Variants in TMEM109 observed in about 807,000 individuals in gnomAD.
TMEM109 encodes voltage-gated monoatomic cation channel TMEM109.
In TMEM109, 19 loss-of-function variants were observed where a neutral mutation model predicts 26.4. The observed-to-expected ratio is 0.72, with a 90% confidence interval of 0.50 to 1.06. The LOEUF (loss-of-function observed/expected upper bound fraction) is 1.06, where lower values mean the gene tolerates loss of function less well. Among genes scored for constraint, TMEM109 ranks in the 50% least tolerant of loss-of-function variants. The pLI, the probability that TMEM109 is intolerant of heterozygous loss-of-function variation, is 0.00. For synonymous variants in TMEM109, 129 were observed against 142.0 expected (o/e 0.91, Z 0.65); for missense variants, 262 against 303.4 (o/e 0.86, Z 1.01).
Position 60,922,446 on chromosome 11 carries a change from C to T in TMEM109, c.*281C>T. 3 of 1,332,770 alleles carry T rather than the reference C, an allele frequency of 2.3e-6. No homozygotes were observed. In the Admixed American group the frequency reaches 6.4e-5, roughly 28 times the overall value. 82.6% of individuals were successfully genotyped at this position (1,332,770 alleles called of 1,614,324 possible). ...ACCAGGGAAGGTTGGAGGGGCCTCC[C>T]TCTGGCTTCTGCATCTGCGCCAGCA... On this transcript the variant is annotated 3_prime_UTR_variant, in exon 4 of 4. Coordinates refer to ENST00000227525, the MANE Select transcript of TMEM109 (RefSeq NM_024092.3).
At chr11:60,920,126 C>G (rs1856219743) in intron 2 of TMEM109, among the ~76,000 whole-genome samples, 196 bp downstream of exon 2, 1 of 152,208 alleles carries the variant, frequency 6.6e-6, no homozygotes, top group Non-Finnish European at 1.5e-5. Flanking sequence ...TTAGCTCCAC[C>G]CCTATCCTTT....
Position 60,919,686 on chromosome 11 carries a change from A to G in TMEM109, c.-8A>G. On this transcript the variant is annotated splice_region_variant and 5_prime_UTR_variant, in exon 2 of 4. Coordinates refer to ENST00000227525, the MANE Select transcript of TMEM109 (RefSeq NM_024092.3). ...GCTCACTGTGCTTCTCTCCTGGCAGACCCAGTCATGGCAGCCTCCAGCATC... is the reference window on the plus strand; with the variant it reads ...GCTCACTGTGCTTCTCTCCTGGCAGGCCCAGTCATGGCAGCCTCCAGCATC... 6.2e-7 allele frequency: 1 copy of G among 1,613,580 alleles called. No homozygotes were observed. Among genetic ancestry groups the G allele is most frequent in the Non-Finnish European group, 8.5e-7 (1 of 1,179,512 alleles).
At chr11:60,918,792 G>A (rs958328499) in intron 1 of TMEM109, 6 of 152,188 alleles carry the variant, frequency 3.9e-5, no homozygotes, top group Non-Finnish European at 1.5e-5. Flanking sequence ...TCCATTGGGG[G>A]TGGGGAGGTG....
At position 60,922,449 on chromosome 11, in the gene TMEM109, T is replaced by C. The variant is rs1590618698; in HGVS notation, c.*284T>C. 3 of 1,307,002 alleles carry C rather than the reference T, an allele frequency of 2.3e-6. No individual in the cohort carries two copies. The East Asian group carries it at 8.4e-5, about 37-fold the overall frequency. 81.0% of individuals were successfully genotyped at this position (1,307,002 alleles called of 1,614,324 possible). A position where few individuals can be genotyped will look rare whatever the true frequency, so the allele number is the denominator to read the frequency against. ...AGGGAAGGTTGGAGGGGCCTCCCTCTGGCTTCTGCATCTGCGCCAGCAAAC... is the reference window on the plus strand; with the variant it reads ...AGGGAAGGTTGGAGGGGCCTCCCTCCGGCTTCTGCATCTGCGCCAGCAAAC... On this transcript the variant is annotated 3_prime_UTR_variant, in exon 4 of 4. Transcript: ENST00000227525.
At chr11:60,921,338 T>C (rs1367652161) in intron 3 of TMEM109, among the ~76,000 whole-genome samples, 1 of 152,156 alleles carries the variant, frequency 6.6e-6, no homozygotes, top group Non-Finnish European at 1.5e-5. Context: ...GAGGATCGCT[T>C]GAGCCCAGGA....
In TMEM109 at chr11:60,921,762, C is replaced by A; in HGVS notation, c.341-12C>A. The A allele has an allele frequency of 6.2e-7, 1 of 1,602,142 alleles. No homozygotes were observed. The highest frequency in any genetic ancestry group is 8.5e-7 in the Non-Finnish European group (1 of 1,175,982). On this transcript the variant is annotated splice_polypyrimidine_tract_variant and intron_variant, in intron 3 of 3. Transcript: ENST00000227525. ...CCAGGTTGGCTGACTCTGTGACTCT[C>A]TTGGCTTCCAGGTGATTACCTCGCC...
chr11:60,915,038 C>A (rs1288034114), intron 1 of TMEM109, among the ~76,000 whole-genome samples: 1 of 152,232 alleles, frequency 6.6e-6, no homozygotes, highest in Non-Finnish European at 1.5e-5. Flanking sequence ...TGGCAGGTTG[C>A]TAATATTCAT....
intron 2 of TMEM109, among the ~76,000 whole-genome samples, chr11:60,920,224 T>G (rs1466349869): frequency 6.6e-6 from 1 of 152,230 alleles, no homozygotes; most frequent in Non-Finnish European, 1.5e-5. Context: ...AGAGTCTCAC[T>G]TTGGTCTAAA....
rs2134883575 is a variant in TMEM109, at chr11:60,922,427, GA to G, written c.*264del. On this transcript the variant is annotated 3_prime_UTR_variant, in exon 4 of 4. Coordinates refer to ENST00000227525, the MANE Select transcript of TMEM109 (RefSeq NM_024092.3). The stretch of plus-strand genomic sequence containing the variant: ...TCTGCTCCCAGCCTGCCTCACCAGG[GA>G]AGGTTGGAGGGGCCTCCCTCTGGCT... 1 of 1,468,716 alleles carries G rather than the reference GA, an allele frequency of 6.8e-7. No individual in the cohort carries two copies. Among genetic ancestry groups the G allele is most frequent in the Admixed American group, 2.0e-5 (1 of 49,594 alleles). 91.0% of individuals were successfully genotyped at this position (1,468,716 alleles called of 1,614,324 possible).
intron 1 of TMEM109, among the ~76,000 whole-genome samples, chr11:60,915,945 A>T (rs1856170269): frequency 6.6e-6 from 1 of 152,050 alleles, no homozygotes; most frequent in African/African-American, 2.4e-5. Context: ...GTCCTCTCAT[A>T]CCTCTTGGTA....
At position 60,922,466 on chromosome 11, in the gene TMEM109, C is replaced by G; in HGVS notation, c.*301C>G. 9.0e-7 allele frequency: 1 copy of G among 1,115,844 alleles called. No homozygotes were observed. The highest frequency in any genetic ancestry group is 1.3e-6 in the Non-Finnish European group (1 of 796,924). 69.1% of individuals were successfully genotyped at this position (1,115,844 alleles called of 1,614,324 possible). ...CCTCCCTCTGGCTTCTGCATCTGCG[C>G]CAGCAAACATCACTGCCGTTGGTCT... is the stretch of plus-strand genomic sequence containing the variant. On this transcript the variant is annotated 3_prime_UTR_variant, in exon 4 of 4. Coordinates refer to ENST00000227525, the MANE Select transcript of TMEM109 (RefSeq NM_024092.3).
At chr11:60,918,624 G>C (rs1460026035) in intron 1 of TMEM109, 1 of 147,962 alleles carries the variant, frequency 6.8e-6, no homozygotes, top group African/African-American at 2.5e-5. Context: ...TGGTGGAGAA[G>C]GGGTCAAACT....
At chr11:60,921,418 C>G (rs1466618824) in intron 3 of TMEM109, among the ~76,000 whole-genome samples, 4 of 152,176 alleles carry the variant, frequency 2.6e-5, no homozygotes, top group Middle Eastern at 3.4e-3. Context: ...AAACCCTGTC[C>G]CACCCAGACC....
At chr11:60,917,764 T>TC (rs1244490594) in intron 1 of TMEM109, among the ~76,000 whole-genome samples, 1 of 151,992 alleles carries the variant, frequency 6.6e-6, no homozygotes, top group East Asian at 1.9e-4. Context: ...CAAGTGATCC[T>TC]CCCCCCTCAG....
chr11:60,920,935 T>C lies in TMEM109; in HGVS notation c.287T>C (p.Phe96Ser), dbSNP rs1856229560. ...ATCTCATCAGCCATTTCTGTGGCCTTCTTTGCTCTGTCTGGGATCGCCGCA... is the reference window on the plus strand; with the variant it reads ...ATCTCATCAGCCATTTCTGTGGCCTCCTTTGCTCTGTCTGGGATCGCCGCA... ...WAISSAISVA[F>S]FALSGIAAQL... is the part of the protein sequence containing the mutation. Residue 96 changes from phenylalanine to serine, a missense_variant, in exon 3 of 4, where the codon TTC (phenylalanine) becomes TCC (serine). Phe to Ser is a radical substitution (Grantham distance 155, BLOSUM62 -2). Transcript: ENST00000227525. 2.5e-6 allele frequency: 4 copies of C among 1,614,098 alleles called. No individual in the cohort carries two copies. Among genetic ancestry groups the C allele is most frequent in the African/African-American group, 1.3e-5 (1 of 74,948 alleles).
At chr11:60,921,368 C>G (rs1317815979) in intron 3 of TMEM109, among the ~76,000 whole-genome samples, 1 of 152,050 alleles carries the variant, frequency 6.6e-6, no homozygotes. Context: ...TGCAGTGAGC[C>G]GGGATCACGT....
In TMEM109 at chr11:60,920,930, G is replaced by T; in HGVS notation, c.282G>T (p.Val94=). The change falls in exon 3 of 4, where the codon GTG becomes GTT. Residue 94 remains valine (V), a synonymous_variant. Coordinates refer to ENST00000227525, the MANE Select transcript of TMEM109 (RefSeq NM_024092.3). The part of the protein sequence containing the change: ...VLWAISSAIS[V]AFFALSGIAA... ...GGGCCATCTCATCAGCCATTTCTGTGGCCTTCTTTGCTCTGTCTGGGATCG... is the reference window on the plus strand; with the variant it reads ...GGGCCATCTCATCAGCCATTTCTGTTGCCTTCTTTGCTCTGTCTGGGATCG... 6.2e-7 allele frequency: 1 copy of T among 1,614,166 alleles called. No individual in the cohort carries two copies. The highest frequency in any genetic ancestry group is 8.5e-7 in the Non-Finnish European group (1 of 1,180,022).
chr11:60,917,176 A>AAAAAT (rs1197694001), intron 1 of TMEM109, among the ~76,000 whole-genome samples: 1 of 152,210 alleles, frequency 6.6e-6, no homozygotes, highest in Non-Finnish European at 1.5e-5. Flanking sequence ...TAGTATTTTT[A>AAAAAT]GAACCCTTTC....
rs536638844 is a variant in TMEM109, at chr11:60,921,858, A to G, written c.425A>G (p.Tyr142Cys). The change falls in exon 4 of 4, where the codon TAC (tyrosine) becomes TGC (cysteine). Residue 142 changes from tyrosine (Y) to cysteine (C), a missense_variant. Tyr to Cys is a radical substitution (Grantham distance 194). Coordinates refer to ENST00000227525, the MANE Select transcript of TMEM109 (RefSeq NM_024092.3). Reference protein sequence around the residue: ...LLWGAGALVVYWLLSLLLGLV... With the variant: ...LLWGAGALVVCWLLSLLLGLV... ...TGGGGAGCAGGGGCCCTGGTCGTCT[A>G]CTGGCTGCTGTCTCTGCTCCTCGGC... 6.2e-7 allele frequency: 1 copy of G among 1,614,132 alleles called. No homozygotes were observed. Among genetic ancestry groups the G allele is most frequent in the African/African-American group, 1.3e-5 (1 of 75,038 alleles).
Sources: gnomAD v4.1 joint callset for allele counts (sites outside exome capture counted in the v4.1 genomes callset) on GRCh38, gnomAD v4.1.1 for gene constraint, MANE v1.5 for transcripts, NCBI Gene and HGNC (gene_info 2026-07-23, HGNC 2026-07-21) for gene names.